SLC9C2: variants seen among roughly 807,000 people sequenced by gnomAD.
The protein encoded by SLC9C2 is sodium/hydrogen exchanger 11.
A neutral mutation model predicts 140.2 loss-of-function variants in SLC9C2; 75 were observed. The ratio of observed to expected loss-of-function variants is 0.53; its 90% CI spans 0.44 to 0.65. The LOEUF (loss-of-function observed/expected upper bound fraction) is 0.65, where lower values mean the gene tolerates loss of function less well. SLC9C2 is among the 30% of genes least tolerant of loss of function. The pLI, the probability that SLC9C2 is intolerant of heterozygous loss-of-function variation, is 0.00. For synonymous variants in SLC9C2, 375 were observed against 420.9 expected, an observed-to-expected ratio of 0.89 and a Z score of 1.34; for missense variants, 1,074 against 1,331.8, an observed-to-expected ratio of 0.81 and a Z score of 3.01.
In SLC9C2 at chr1:173,506,534, G is replaced by T. The variant is rs4916365; in HGVS notation, c.3225+322C>A. Among the ~76,000 whole-genome samples the T allele has an allele frequency of 3.9e-5, 6 of 152,182 alleles. No individual in the cohort carries two copies. The South Asian group carries it at 1.0e-3, about 26-fold the overall frequency. The stretch of plus-strand genomic sequence containing the variant: ...TACTTCCAGAGCTATGCTAGAACAC[G>T]GCATCGTTGCCTTGGCGTAAACTAG... On this transcript the variant is annotated intron_variant, in intron 25 of 27. Coordinates refer to ENST00000367714, the MANE Select transcript of SLC9C2 (RefSeq NM_178527.4).
intron 2 of SLC9C2, among the ~76,000 whole-genome samples, chr1:173,601,204 T>C (rs1666762662): frequency 6.6e-6 from 1 of 152,220 alleles, no homozygotes; most frequent in Admixed American, 6.5e-5. Context: ...TCATGAATTG[T>C]ATGCCTGGGC....
At chr1:173,539,891 T>C (rs1662246796) in intron 13 of SLC9C2, among the ~76,000 whole-genome samples, 1 of 152,196 alleles carries the variant, frequency 6.6e-6, no homozygotes, top group Non-Finnish European at 1.5e-5. Flanking sequence ...TAGGTCATTA[T>C]AACAATGACT....
intron 7 of SLC9C2, among the ~76,000 whole-genome samples, chr1:173,577,904 T>A (rs1199431272): frequency 6.6e-6 from 1 of 152,208 alleles, no homozygotes; most frequent in Non-Finnish European, 1.5e-5. Context: ...GAATTTACTT[T>A]AAATAACCAA....
At chr1:173,596,052 C>T (rs1349844754) in intron 4 of SLC9C2, among the ~76,000 whole-genome samples, 1 of 152,178 alleles carries the variant, frequency 6.6e-6, no homozygotes, top group East Asian at 1.9e-4. Context: ...CCCTTGGAGG[C>T]TGGCTTATTT....
Position 173,548,394 on chromosome 1 carries a change from T to C in SLC9C2, c.1456A>G (p.Ile486Val). The C allele has an allele frequency of 3.1e-6, 5 of 1,611,906 alleles. No individual in the cohort carries two copies. The highest frequency in any genetic ancestry group is 1.3e-5 in the African/African-American group (1 of 74,810). ...TTTGCCAGGTATCAACTCACAGGAA[T>C]GTATTCGATCCTCGTTTTATCTTCT... ...LVEDKTRIEY[I>V]PFSHVSHNDM... The change falls in exon 12 of 28, where the codon ATT becomes GTT. Residue 486 changes from isoleucine (I) to valine (V), a missense_variant. Physicochemically the swap from Ile to Val is conservative, Grantham distance 29. Transcript: ENST00000367714.
chr1:173,519,629 C>T (rs557223390), intron 22 of SLC9C2, among the ~76,000 whole-genome samples: 2 of 152,290 alleles, frequency 1.3e-5, no homozygotes, highest in South Asian at 4.1e-4. Context: ...CCCAAAGAAA[C>T]ATGTTACAGC....
chr1:173,514,822 C>A lies in SLC9C2; in HGVS notation c.2907+2715G>T, dbSNP rs547999043. On this transcript the variant is annotated intron_variant, in intron 23 of 27. Transcript: ENST00000367714. ...TCCTTTCCATATTTAGTGCTTCCTT[C>A]AGGAGCTCTTGCAAGGCAGGCCTGG... Among the ~76,000 whole-genome samples, 5 of 152,260 alleles carry A rather than the reference C, an allele frequency of 3.3e-5. No individual in the cohort carries two copies. In the South Asian group the frequency reaches 1.0e-3, roughly 32 times the overall value.
chr1:173,525,053 A>C, intron 19 of SLC9C2, 126 bp from the exon 20 acceptor site: 2 of 1,050,236 alleles, frequency 1.9e-6, no homozygotes, highest in Non-Finnish European at 2.7e-6. Flanking sequence ...TTCATGCAGA[A>C]CTCATGAGGT....
chr1:173,564,356 C>T (rs991046330), intron 9 of SLC9C2, among the ~76,000 whole-genome samples: 1 of 152,164 alleles, frequency 6.6e-6, no homozygotes, highest in African/African-American at 2.4e-5. Flanking sequence ...ACATCCTTAC[C>T]ATCATTTGTT....
At chr1:173,519,617 T>C (rs1047563007) in intron 22 of SLC9C2, among the ~76,000 whole-genome samples, 1 of 152,152 alleles carries the variant, frequency 6.6e-6, no homozygotes, top group Non-Finnish European at 1.5e-5. Context: ...GGCAGGAAAA[T>C]CCCCAAAGAA....
chr1:173,517,389 G>A, intron 23 of SLC9C2, 148 bp downstream of exon 23: 1 of 666,008 alleles, frequency 1.5e-6, no homozygotes, highest in South Asian at 2.2e-5. Context: ...CCTGGGATGT[G>A]AGACACTAAA....
chr1:173,524,133 G>T (rs768112557), intron 20 of SLC9C2, 39 bp from the exon 21 acceptor site: 1 of 1,552,302 alleles, frequency 6.4e-7, no homozygotes, highest in Non-Finnish European at 8.7e-7. Context: ...ATCAGATCCT[G>T]TAACAGAAAA....
intron 14 of SLC9C2, 135 bp downstream of exon 14, chr1:173,536,807 A>G: frequency 1.6e-6 from 1 of 642,658 alleles, no homozygotes; most frequent in Non-Finnish European, 2.7e-6. Context: ...ACAGATGGAC[A>G]GACAGAAGAT....
chr1:173,516,042 C>T (rs1660391633), intron 23 of SLC9C2, among the ~76,000 whole-genome samples: 2 of 152,204 alleles, frequency 1.3e-5, no homozygotes, highest in Admixed American at 6.5e-5. Flanking sequence ...CTGCTCCTTC[C>T]TCTGGGATCT....
At chr1:173,504,718 C>T (rs1342786200) in intron 26 of SLC9C2, among the ~76,000 whole-genome samples, 1 of 152,164 alleles carries the variant, frequency 6.6e-6, no homozygotes, top group Non-Finnish European at 1.5e-5. Context: ...CTGTATAATG[C>T]TTAGCACCAT....
Position 173,602,959 on chromosome 1 carries a change from T to G in SLC9C2, c.-288A>C, listed in dbSNP as rs950098447. On this transcript the variant is annotated 5_prime_UTR_variant, in exon 1 of 28. Transcript: ENST00000367714. Reference sequence around the variant, plus strand: ...TTCTACAAATTACCCAGATCAGAGATATGTTCCTTAAAGATTAAGCTGCTT... The same window carrying G: ...TTCTACAAATTACCCAGATCAGAGAGATGTTCCTTAAAGATTAAGCTGCTT... The G allele has an allele frequency of 6.6e-6, 1 of 152,206 alleles. No homozygotes were observed. 9.4% of individuals were successfully genotyped at this position (152,206 alleles called of 1,614,324 possible).
chr1:173,509,461 A>C (rs1278643706), intron 24 of SLC9C2, 107 bp downstream of exon 24: 2 of 1,136,914 alleles, frequency 1.8e-6, no homozygotes, highest in East Asian at 3.3e-5. Context: ...AAAAAAAATC[A>C]AACACAAATT....
At chr1:173,582,824 A>G (rs761918038) in intron 6 of SLC9C2, among the ~76,000 whole-genome samples, 9 of 152,064 alleles carry the variant, frequency 5.9e-5, no homozygotes, top group Non-Finnish European at 1.3e-4. Flanking sequence ...TCCTGCATAC[A>G]ATGTTCTGCT....
intron 4 of SLC9C2, among the ~76,000 whole-genome samples, chr1:173,591,753 T>C (rs1430979483): frequency 6.6e-6 from 1 of 152,252 alleles, no homozygotes; most frequent in Non-Finnish European, 1.5e-5. Context: ...AAATTCCTTA[T>C]AGATGCTAGA....
Sources: gnomAD v4.1 joint callset for allele counts (sites outside exome capture counted in the v4.1 genomes callset) on GRCh38, gnomAD v4.1.1 for gene constraint, MANE v1.5 for transcripts, NCBI Gene and HGNC (gene_info 2026-07-23, HGNC 2026-07-21) for gene names.